The following RYR3 variants were observed in gnomAD, a reference collection of about 807,000 sequenced individuals.
RYR3 encodes the protein brain ryanodine receptor-calcium release channel.
Under a neutral mutation model 584.3 loss-of-function variants are expected in RYR3, and 207 were observed. The ratio of observed to expected loss-of-function variants is 0.35; its 90% CI spans 0.32 to 0.40. The LOEUF (loss-of-function observed/expected upper bound fraction) is 0.40. Among genes scored for constraint, RYR3 ranks in the 10% least tolerant of loss-of-function variants. RYR3 has a pLI of 1.00. For missense variants in RYR3, 5,616 were observed against 6,089.2 expected (o/e 0.92, Z 2.59); for synonymous variants, 2,416 against 2,248.5 (o/e 1.07, Z -2.11).
At chr15:33,758,511 T>C (rs979075789) in intron 60 of RYR3, among the ~76,000 whole-genome samples, 3 of 152,030 alleles carry the variant, frequency 2.0e-5, no homozygotes, top group African/African-American at 7.2e-5. Flanking sequence ...CCTCACAGTA[T>C]AAACAAAGCT....
intron 1 of RYR3, among the ~76,000 whole-genome samples, chr15:33,332,928 T>G (rs1290058645): frequency 1.3e-5 from 2 of 152,114 alleles, no homozygotes; most frequent in Non-Finnish European, 2.9e-5. Context: ...ACTTTGTTTT[T>G]GTAGCACGAA....
At chr15:33,428,095 C>A (rs2044797832) in intron 1 of RYR3, among the ~76,000 whole-genome samples, 1 of 152,160 alleles carries the variant, frequency 6.6e-6, no homozygotes, top group Admixed American at 6.5e-5. Flanking sequence ...GAAGGTAAGG[C>A]TTGTGTCTTT....
rs1407394722 is a variant in RYR3 at position 33,336,541 on chromosome 15, G to GAAA, written c.51+25445_51+25446insAAA. Among the ~76,000 whole-genome samples the GAAA allele has an allele frequency of 1.9e-4, 15 of 77,118 alleles. 5 individuals carry two copies. The highest frequency in any genetic ancestry group is 6.4e-4 in the Admixed American group (5 of 7,812). The allele number at this position is 77,118 out of a possible 152,430, so 50.6% of individuals were successfully genotyped here. ...GGGAAGGAGGGAAGGAGGGAAGGAGGGAAGGAGGGAAGGAAGGAAGAAAAA... is the reference window on the plus strand; with the variant it reads ...GGGAAGGAGGGAAGGAGGGAAGGAGGAAAGAAGGAGGGAAGGAAGGAAGAAAAA... On this transcript the variant is annotated intron_variant, in intron 1 of 103. Coordinates refer to ENST00000634891, the MANE Select transcript of RYR3 (RefSeq NM_001036.6).
At chr15:33,540,951 T>C in intron 7 of RYR3, 61 bp downstream of exon 7, 1 of 1,054,596 alleles carries the variant, frequency 9.5e-7, no homozygotes, top group East Asian at 2.4e-5. Flanking sequence ...CTGTATACAT[T>C]GACATTTTCT....
chr15:33,371,411 C>T (rs1004049955), intron 1 of RYR3, among the ~76,000 whole-genome samples: 1 of 152,210 alleles, frequency 6.6e-6, no homozygotes, highest in African/African-American at 2.4e-5. Flanking sequence ...AGCACAGAAA[C>T]ATTTAAACAA....
intron 1 of RYR3, among the ~76,000 whole-genome samples, chr15:33,444,040 A>AT (rs1392765095): frequency 6.6e-6 from 1 of 152,222 alleles, no homozygotes; most frequent in Non-Finnish European, 1.5e-5. Context: ...CCTGAAATGA[A>AT]TTTGAGGGCT....
intron 1 of RYR3, among the ~76,000 whole-genome samples, chr15:33,430,132 C>T (rs937645290): frequency 3.6e-4 from 55 of 152,216 alleles, no homozygotes; most frequent in African/African-American, 1.3e-3. Context: ...TTAGTGTTAT[C>T]CAACCAAATT....
chr15:33,420,864 T>A (rs2044192951), intron 1 of RYR3, among the ~76,000 whole-genome samples: 1 of 152,124 alleles, frequency 6.6e-6, no homozygotes, highest in Non-Finnish European at 1.5e-5. Flanking sequence ...TCCCACCATG[T>A]CCATTACCTA....
intron 27 of RYR3, 145 bp downstream of exon 27, chr15:33,636,695 G>T: frequency 1.5e-6 from 1 of 667,022 alleles, no homozygotes. Flanking sequence ...CGATCCCATA[G>T]ACTAGCAATT....
intron 43 of RYR3, among the ~76,000 whole-genome samples, chr15:33,708,812 A>AG (rs1596266404): frequency 6.6e-6 from 1 of 152,074 alleles, no homozygotes; most frequent in East Asian, 1.9e-4. Context: ...AAAGGAGGGG[A>AG]GGGGGTTCTT....
chr15:33,790,903 T>G (rs969377288), intron 67 of RYR3, among the ~76,000 whole-genome samples: 6 of 151,866 alleles, frequency 4.0e-5, no homozygotes, highest in Non-Finnish European at 5.9e-5. Context: ...CACAAAGAGT[T>G]TCCAGAAGGA....
intron 37 of RYR3, among the ~76,000 whole-genome samples, chr15:33,669,806 A>T (rs2063705082): frequency 8.9e-6 from 1 of 111,882 alleles, no homozygotes; most frequent in African/African-American, 3.6e-5. Flanking sequence ...CAAGATTCTG[A>T]TCTCTTTGCT....
chr15:33,324,489 G>T (rs1969424231), intron 1 of RYR3, among the ~76,000 whole-genome samples: 1 of 152,180 alleles, frequency 6.6e-6, no homozygotes, highest in Non-Finnish European at 1.5e-5. Context: ...TAGAGGAGGG[G>T]TTCTAATGTT....
At chr15:33,705,237 A>G (rs1322797231) in intron 42 of RYR3, among the ~76,000 whole-genome samples, 1 of 152,056 alleles carries the variant, frequency 6.6e-6, no homozygotes, top group East Asian at 1.9e-4. Flanking sequence ...TTTTAAAGAC[A>G]AAATCAAATC....
At chr15:33,653,879 G>A (rs1393169816) in intron 32 of RYR3, among the ~76,000 whole-genome samples, 1 of 152,178 alleles carries the variant, frequency 6.6e-6, no homozygotes, top group African/African-American at 2.4e-5. Flanking sequence ...GTTTTATAAT[G>A]AAGGTTATTA....
At chr15:33,552,577 T>G (rs2056765970) in intron 10 of RYR3, among the ~76,000 whole-genome samples, 1 of 152,226 alleles carries the variant, frequency 6.6e-6, no homozygotes, top group Non-Finnish European at 1.5e-5. Context: ...GCGGTAGTAT[T>G]CAACCTAGCT....
At chr15:33,552,332 C>G (rs534645107) in intron 10 of RYR3, among the ~76,000 whole-genome samples, 86 of 152,282 alleles carry the variant, frequency 5.6e-4, no homozygotes, top group African/African-American at 1.9e-3. Context: ...CACTTCTGGC[C>G]TCTGAATACA....
At chr15:33,349,037 T>A (rs1972849277) in intron 1 of RYR3, among the ~76,000 whole-genome samples, 1 of 151,918 alleles carries the variant, frequency 6.6e-6, no homozygotes, top group African/African-American at 2.4e-5. Flanking sequence ...TTTTTCAGAC[T>A]GGTTTCTTTT....
At chr15:33,821,656 C>A (rs2077114933) in intron 80 of RYR3, 54 bp downstream of exon 80, 2 of 1,532,446 alleles carry the variant, frequency 1.3e-6, no homozygotes, top group African/African-American at 1.4e-5. Context: ...CCATTTGACA[C>A]CTGTCATGCT....
Sources: gnomAD v4.1 joint callset for allele counts (sites outside exome capture counted in the v4.1 genomes callset) on GRCh38, gnomAD v4.1.1 for gene constraint, MANE v1.5 for transcripts, NCBI Gene and HGNC (gene_info 2026-07-23, HGNC 2026-07-21) for gene names.